Variants in PPFIBP2 observed in about 807,000 individuals in gnomAD.
PPFIBP2 encodes the protein PPFIB scaffold protein 2.
A neutral mutation model predicts 118.3 loss-of-function variants in PPFIBP2; 118 were observed. That is an observed-to-expected ratio of 1.00 (90% CI 0.86 to 1.16). The LOEUF (loss-of-function observed/expected upper bound fraction) is 1.16, where lower values mean the gene tolerates loss of function less well. Among genes scored for constraint, PPFIBP2 ranks in the 50% most tolerant of loss-of-function variants. The probability of loss-of-function intolerance (pLI) is 0.00; values close to 1 mark genes in which losing one functional copy is unlikely to be tolerated. For synonymous variants in PPFIBP2, 414 were observed against 397.4 expected, an observed-to-expected ratio of 1.04 and a Z score of -0.50; for missense variants, 1,195 against 1,073.1, an observed-to-expected ratio of 1.11 and a Z score of -1.59.
chr11:7,563,017 A>T (rs1321898441), intron 2 of PPFIBP2, among the ~76,000 whole-genome samples: 1 of 149,130 alleles, frequency 6.7e-6, no homozygotes, highest in Admixed American at 6.8e-5. Flanking sequence ...TGGCACAGAT[A>T]TACATGTACT....
the PPFIBP2 span, among the ~76,000 whole-genome samples, chr11:7,664,345 A>T: frequency 6.6e-6 from 1 of 152,128 alleles, no homozygotes; most frequent in Non-Finnish European, 1.5e-5. Context: ...GGATTGCCAA[A>T]AGTTGGTAGG....
At chr11:7,645,521 T>G (rs942686059) in intron 17 of PPFIBP2, among the ~76,000 whole-genome samples, 2 of 152,196 alleles carry the variant, frequency 1.3e-5, no homozygotes, top group Non-Finnish European at 2.9e-5. Flanking sequence ...ATATGAAGGG[T>G]ATCTTCTCTG....
chr11:7,654,233 C>A (rs1854476852), downstream of PPFIBP2, among the ~76,000 whole-genome samples: 1 of 152,180 alleles, frequency 6.6e-6, no homozygotes, highest in Non-Finnish European at 1.5e-5. Flanking sequence ...GAGATCTGTC[C>A]CCTTGATTTA....
chr11:7,656,398 T>C (rs1402532074), downstream of PPFIBP2, among the ~76,000 whole-genome samples: 3 of 152,190 alleles, frequency 2.0e-5, no homozygotes, highest in Non-Finnish European at 2.9e-5. Context: ...CAGGAAAGTC[T>C]CCCTGACTCC....
At chr11:7,548,164 A>G (rs1015098888) in intron 1 of PPFIBP2, among the ~76,000 whole-genome samples, 1 of 152,128 alleles carries the variant, frequency 6.6e-6, no homozygotes, top group African/African-American at 2.4e-5. Context: ...CACACAGTAC[A>G]TAGCAGAGCT....
chr11:7,543,966 T>C (rs76879096), intron 1 of PPFIBP2, among the ~76,000 whole-genome samples: 3,308 of 152,266 alleles, frequency 0.022, 106 homozygotes, highest in African/African-American at 0.076. Context: ...TTCTAAAACA[T>C]GGCTTTTCCT....
chr11:7,575,090 A>G (rs1856127078), intron 3 of PPFIBP2, among the ~76,000 whole-genome samples: 1 of 152,136 alleles, frequency 6.6e-6, no homozygotes, highest in African/African-American at 2.4e-5. Context: ...TGTGTCGAAC[A>G]TCTTTACCCT....
rs570481278 is a variant in PPFIBP2, at chr11:7,620,313, G to A, written c.619-622G>A. Among the ~76,000 whole-genome samples, 7 of 152,168 alleles carry A rather than the reference G, an allele frequency of 4.6e-5. No individual in the cohort carries two copies. In the East Asian group the frequency reaches 1.2e-3, roughly 25 times the overall value. ...TGTGCCTACACCCTCAGCTCTAGCC[G>A]CATGAGTTATCTCCCTTTCTGTCTC... On this transcript the variant is annotated intron_variant, in intron 6 of 23. Transcript: ENST00000299492.
chr11:7,636,747 T>C lies in PPFIBP2; in HGVS notation c.1236+1154T>C, dbSNP rs528413738. On this transcript the variant is annotated intron_variant, in intron 14 of 23. Coordinates refer to ENST00000299492, the MANE Select transcript of PPFIBP2 (RefSeq NM_003621.5). The stretch of plus-strand genomic sequence containing the variant: ...GAACTATTTATAAAGAAAAAAATGC[T>C]CCAGATTAAAAGATTAATTCTTACA... Among the ~76,000 whole-genome samples, 14 of 152,278 alleles carry C rather than the reference T, an allele frequency of 9.2e-5. No homozygotes were observed. The South Asian group carries it at 2.9e-3, about 32-fold the overall frequency.
At chr11:7,665,942 G>A in the PPFIBP2 span, 1 of 1,534,788 alleles carries the variant, frequency 6.5e-7, no homozygotes, top group Non-Finnish European at 8.7e-7. Flanking sequence ...CCAGGGACCT[G>A]TATGACAAGC....
intron 5 of PPFIBP2, among the ~76,000 whole-genome samples, chr11:7,606,553 C>G (rs988600430): frequency 1.3e-5 from 2 of 152,142 alleles, no homozygotes; most frequent in African/African-American, 4.8e-5. Flanking sequence ...AGTAAATGTT[C>G]TGTTATTAGT....
rs539632046 is a variant in PPFIBP2 at position 7,607,162 on chromosome 11, G to A, written c.487-3129G>A. Among the ~76,000 whole-genome samples, 31 of 149,606 alleles carry A rather than the reference G, an allele frequency of 2.1e-4. No individual in the cohort carries two copies. In the East Asian group the frequency reaches 2.8e-3, roughly 13 times the overall value. On this transcript the variant is annotated intron_variant, in intron 5 of 23. Coordinates refer to ENST00000299492, the MANE Select transcript of PPFIBP2 (RefSeq NM_003621.5). ...CCTGACCTCGTGATCCGCCCGCCTC[G>A]GCCTCCCAAAGTGCTGGGATTACAG... is the stretch of plus-strand genomic sequence containing the variant.
chr11:7,519,773 T>TC (rs1849571646), intron 1 of PPFIBP2, among the ~76,000 whole-genome samples: 1 of 152,022 alleles, frequency 6.6e-6, no homozygotes, highest in Non-Finnish European at 1.5e-5. Context: ...CTTAGAGGTG[T>TC]CCCCCTAAGA....
chr11:7,641,523 C>T lies in PPFIBP2; in HGVS notation c.1420C>T (p.Leu474Phe). 1 of 1,613,552 alleles carries T rather than the reference C, an allele frequency of 6.2e-7. No homozygotes were observed. Among genetic ancestry groups the T allele is most frequent in the East Asian group, 2.2e-5 (1 of 44,896 alleles). ...GGACGACACTGCTGTGGTCAATGAC[C>T]TCTCATCCACATCATCGGGCACTGA... The part of the protein sequence containing the change: ...GWDDTAVVND[L>F]SSTSSGTESG... The change falls in exon 16 of 24, where the codon CTC (leucine) becomes TTC (phenylalanine). Residue 474 changes from leucine (L) to phenylalanine (F), a missense_variant. Leu to Phe is a conservative substitution (Grantham distance 22). Transcript: ENST00000299492.
intron 5 of PPFIBP2, chr11:7,598,453 T>G (rs2135342105): frequency 6.5e-6 from 1 of 153,886 alleles, no homozygotes; most frequent in South Asian, 2.0e-4. Context: ...GTGTTGAATT[T>G]TTATTGTATC....
Position 7,641,561 on chromosome 11 carries a change from G to T in PPFIBP2, c.1458G>T (p.Gln486His), listed in dbSNP as rs1852199312. Residue 486 changes from glutamine to histidine, a missense_variant, in exon 16 of 24, where the codon CAG becomes CAT. Gln to His is a conservative substitution (Grantham distance 24). Coordinates refer to ENST00000299492, the MANE Select transcript of PPFIBP2 (RefSeq NM_003621.5). ...CATCGGGCACTGAATCAGGTCCTCA[G>T]TCTCCTCTGACACCAGATGGTAAAC... is the stretch of plus-strand genomic sequence containing the variant. ...STSSGTESGP[Q>H]SPLTPDGKRN... 3 of 1,613,890 alleles carry T rather than the reference G, an allele frequency of 1.9e-6. No individual in the cohort carries two copies. The highest frequency in any genetic ancestry group is 1.3e-5 in the African/African-American group (1 of 74,940).
chr11:7,652,697 G>A (rs895799579), intron 23 of PPFIBP2, among the ~76,000 whole-genome samples: 4 of 152,180 alleles, frequency 2.6e-5, no homozygotes, highest in Admixed American at 6.5e-5. Flanking sequence ...TCTGTGCTTC[G>A]CCTCAAATGC....
At position 7,515,029 on chromosome 11, in the gene PPFIBP2, G is replaced by C. The variant is rs184427941; in HGVS notation, c.-37+908G>C. Among the ~76,000 whole-genome samples, 4 of 152,148 alleles carry C rather than the reference G, an allele frequency of 2.6e-5. No homozygotes were observed. The East Asian group carries it at 5.8e-4, about 22-fold the overall frequency. On this transcript the variant is annotated intron_variant, in intron 1 of 23. Coordinates refer to ENST00000299492, the MANE Select transcript of PPFIBP2 (RefSeq NM_003621.5). ...TCAAATTTGTAGTGTATTATGTGAA[G>C]TTAAATGGTCAACTACAGAAAAGTA...
chr11:7,598,686 G>A (rs1860845103), intron 5 of PPFIBP2, among the ~76,000 whole-genome samples: 1 of 152,106 alleles, frequency 6.6e-6, no homozygotes, highest in South Asian at 2.1e-4. Flanking sequence ...TCCTTAAAAT[G>A]AGTGGATTCA....
Sources: allele counts gnomAD v4.1 joint callset (sites outside exome capture counted in the v4.1 genomes callset), GRCh38; gene constraint gnomAD v4.1.1; transcripts MANE v1.5; gene names NCBI Gene and HGNC (gene_info 2026-07-23, HGNC 2026-07-21).